SUGCT: variants seen among roughly 807,000 people sequenced by gnomAD.
SUGCT encodes succinyl-CoA:glutarate-CoA transferase.
Under a neutral mutation model 55.0 loss-of-function variants are expected in SUGCT, and 41 were observed. That is an observed-to-expected ratio of 0.74 (90% CI 0.58 to 0.97). SUGCT has a LOEUF of 0.97. Among genes scored for constraint, SUGCT ranks in the 50% least tolerant of loss-of-function variants. The pLI is 0.00. For synonymous variants in SUGCT, 187 were observed against 200.4 expected (o/e 0.93, Z 0.56); for missense variants, 568 against 547.8 (o/e 1.04, Z -0.37).
chr7:40,765,878 C>G (rs568246433), intron 13 of SUGCT, among the ~76,000 whole-genome samples: 6 of 152,316 alleles, frequency 3.9e-5, no homozygotes, highest in African/African-American at 1.4e-4. Flanking sequence ...CCTTCCTGTT[C>G]TTTTCTTGAA....
intron 8 of SUGCT, among the ~76,000 whole-genome samples, chr7:40,301,062 A>G (rs1794507290): frequency 1.3e-5 from 2 of 152,218 alleles, no homozygotes; most frequent in African/African-American, 2.4e-5. Context: ...ATCAGACTGT[A>G]TCCCTCAACT....
chr7:40,214,871 G>A (rs954507328), intron 6 of SUGCT, among the ~76,000 whole-genome samples: 7 of 151,080 alleles, frequency 4.6e-5, no homozygotes, highest in African/African-American at 1.2e-4. Context: ...CCGAGACCAC[G>A]CCACTGCACT....
At chr7:40,371,675 T>G (rs1784300284) in intron 9 of SUGCT, among the ~76,000 whole-genome samples, 1 of 152,000 alleles carries the variant, frequency 6.6e-6, no homozygotes, top group Non-Finnish European at 1.5e-5. Context: ...TTTAGCATTT[T>G]TAGAAGATAT....
chr7:40,722,600 A>G (rs1289015929), intron 12 of SUGCT, among the ~76,000 whole-genome samples: 6 of 152,238 alleles, frequency 3.9e-5, no homozygotes, highest in Admixed American at 3.9e-4. Flanking sequence ...CTCAGACAGA[A>G]AATGGAGTGA....
chr7:40,215,052 G>C (rs756168824), intron 6 of SUGCT, among the ~76,000 whole-genome samples: 1 of 152,110 alleles, frequency 6.6e-6, no homozygotes, highest in Non-Finnish European at 1.5e-5. Context: ...AACTGAGAAA[G>C]ACTCCCAGAG....
intron 11 of SUGCT, among the ~76,000 whole-genome samples, chr7:40,473,697 A>G (rs1790516289): frequency 6.6e-6 from 1 of 152,184 alleles, no homozygotes; most frequent in African/African-American, 2.4e-5. Flanking sequence ...CTAATTTGCC[A>G]GCTCAGTTTG....
intron 12 of SUGCT, among the ~76,000 whole-genome samples, chr7:40,704,456 T>G (rs1474825737): frequency 6.6e-6 from 1 of 151,360 alleles, no homozygotes; most frequent in East Asian, 1.9e-4. Context: ...GTCAGGGAGG[T>G]AGGGGTATTG....
intron 13 of SUGCT, among the ~76,000 whole-genome samples, chr7:40,854,432 CTTTCTTTCTT>C (rs1563050719): frequency 8.7e-5 from 12 of 137,744 alleles, no homozygotes; most frequent in Non-Finnish European, 3.1e-5. Flanking sequence ...TTCTTTCTTT[CTTTCTTTCTT>C]TCTTTCTTTC....
At chr7:40,783,707 A>G (rs551789187) in intron 13 of SUGCT, 12 of 152,274 alleles carry the variant, frequency 7.9e-5, no homozygotes, top group African/African-American at 2.2e-4. Flanking sequence ...AAATAGTCCC[A>G]TTGATGAATT....
rs565408762 is a variant in SUGCT at position 40,329,585 on chromosome 7, C to T, written c.816+12730C>T. ...AAAGCAGGTGCGAAATGCTCTGGGT[C>T]CTAGTGACACTGAGTAGTCTATGGA... On this transcript the variant is annotated intron_variant, in intron 9 of 13. Coordinates refer to ENST00000335693, the MANE Select transcript of SUGCT (RefSeq NM_001193313.2). 2.5e-3 allele frequency among the ~76,000 whole-genome samples: 375 copies of T among 152,280 alleles called. 1 individual carries two copies. The highest frequency in any genetic ancestry group is 2.9e-3 in the Non-Finnish European group (195 of 68,022).
chr7:40,214,625 G>C (rs894443629), intron 6 of SUGCT, among the ~76,000 whole-genome samples: 4 of 152,042 alleles, frequency 2.6e-5, no homozygotes, highest in Admixed American at 2.0e-4. Context: ...AGTGAAAGTA[G>C]AAATTATGGG....
chr7:40,267,818 C>T (rs1383911437), intron 7 of SUGCT, among the ~76,000 whole-genome samples: 6 of 152,182 alleles, frequency 3.9e-5, no homozygotes, highest in Admixed American at 3.9e-4. Context: ...ATTCTGACAA[C>T]TTTTCAATGA....
intron 8 of SUGCT, among the ~76,000 whole-genome samples, chr7:40,291,653 A>G (rs1793781648): frequency 7.5e-6 from 1 of 133,172 alleles, no homozygotes; most frequent in Admixed American, 7.8e-5. Context: ...CTTAAAGTAT[A>G]ATAATAATAA....
In SUGCT at chr7:40,787,660, C is replaced by CAAAAAAAA. The variant is rs55764379; in HGVS notation, c.1153+38180_1153+38187dup. On this transcript the variant is annotated intron_variant, in intron 13 of 13. Coordinates refer to ENST00000335693, the MANE Select transcript of SUGCT (RefSeq NM_001193313.2). The stretch of plus-strand genomic sequence containing the variant: ...AAACTGGTAACCAAGAAATTTTGAC[C>CAAAAAAAA]AAAAAAAAAAAAAAAAAAAAAAAAG... Among the ~76,000 whole-genome samples the CAAAAAAAA allele has an allele frequency of 5.2e-4, 25 of 48,418 alleles. 1 individual carries two copies. The highest frequency in any genetic ancestry group is 1.4e-3 in the African/African-American group (23 of 16,848). The allele number at this position is 48,418 out of a possible 152,430, so 31.8% of individuals were successfully genotyped here.
the SUGCT span, among the ~76,000 whole-genome samples, chr7:41,013,258 G>T: frequency 1.3e-5 from 2 of 152,150 alleles, no homozygotes; most frequent in African/African-American, 4.8e-5. Flanking sequence ...GATCTGGATG[G>T]CTTGGTAAAC....
At chr7:40,422,946 T>G (rs1169602957) in intron 9 of SUGCT, among the ~76,000 whole-genome samples, 2 of 152,112 alleles carry the variant, frequency 1.3e-5, no homozygotes. Flanking sequence ...TAAAGCAAGT[T>G]TCAGAAAAAC....
intron 12 of SUGCT, among the ~76,000 whole-genome samples, chr7:40,671,392 A>G (rs1276306179): frequency 6.6e-6 from 1 of 152,234 alleles, no homozygotes; most frequent in Non-Finnish European, 1.5e-5. Context: ...TCTAGCCTCC[A>G]CAACAAGGCA....
the SUGCT span, among the ~76,000 whole-genome samples, chr7:40,957,352 T>C: frequency 0.33 from 50,462 of 151,898 alleles, 9,108 homozygotes; most frequent in Admixed American, 0.45. Context: ...CTTGTTGCAT[T>C]GATCCCTTTA....
intron 13 of SUGCT, among the ~76,000 whole-genome samples, chr7:40,824,342 A>T (rs772686600): frequency 1.3e-4 from 20 of 152,180 alleles, no homozygotes; most frequent in Admixed American, 6.5e-4. Context: ...GAAAAGGATT[A>T]TATAAAGGTA....
Sources: allele counts gnomAD v4.1 joint callset (sites outside exome capture counted in the v4.1 genomes callset), GRCh38; gene constraint gnomAD v4.1.1; transcripts MANE v1.5; gene names NCBI Gene and HGNC (gene_info 2026-07-23, HGNC 2026-07-21).